The following NAV2 variants were observed in gnomAD, a reference collection of about 807,000 sequenced individuals.
NAV2 encodes the protein helicase, APC down-regulated 1.
In NAV2, 54 loss-of-function variants were observed where a neutral mutation model predicts 223.2. That is an observed-to-expected ratio of 0.24 (90% CI 0.19 to 0.30). The LOEUF is 0.30. Ranked by LOEUF, NAV2 falls within the 10% of genes least tolerant of loss-of-function variation. NAV2 has a pLI of 1.00. For synonymous variants in NAV2, 1,279 were observed against 1,239.3 expected (o/e 1.03, Z -0.67); for missense variants, 2,806 against 3,147.5 (o/e 0.89, Z 2.60).
intron 11 of NAV2, among the ~76,000 whole-genome samples, chr11:19,986,823 G>A (rs759120912): frequency 2.6e-5 from 4 of 152,184 alleles, no homozygotes; most frequent in African/African-American, 4.8e-5. Context: ...GTTATTATGA[G>A]CTGACCATAG....
At chr11:19,359,578 G>C (rs1590046955) in intron 1 of NAV2, among the ~76,000 whole-genome samples, 1 of 152,192 alleles carries the variant, frequency 6.6e-6, no homozygotes, top group South Asian at 2.1e-4. Flanking sequence ...CAATTTCTGA[G>C]GGCAGAGTCA....
At chr11:19,574,995 C>G (rs1403294979) in intron 1 of NAV2, among the ~76,000 whole-genome samples, 1 of 152,142 alleles carries the variant, frequency 6.6e-6, no homozygotes, top group Non-Finnish European at 1.5e-5. Flanking sequence ...TAGCTGGTGC[C>G]CCTATACTTC....
Position 19,913,591 on chromosome 11 carries a change from G to A in NAV2, c.932-19585G>A, listed in dbSNP as rs150533616. The stretch of plus-strand genomic sequence containing the variant: ...GAACTGTCTATGTGTGCCCCTGCCC[G>A]GTTATAAGCCAAATTCATGCCGTGC... On this transcript the variant is annotated intron_variant, in intron 6 of 37. Transcript: ENST00000349880. 2.7e-3 allele frequency among the ~76,000 whole-genome samples: 413 copies of A among 152,284 alleles called. 15 individuals are homozygous for A. The South Asian group carries it at 0.059, about 22-fold the overall frequency.
At chr11:19,912,998 G>T (rs541897032) in intron 6 of NAV2, among the ~76,000 whole-genome samples, 22 of 152,260 alleles carry the variant, frequency 1.4e-4, no homozygotes, top group African/African-American at 4.8e-4. Context: ...CTCCTGCTCT[G>T]GCAGTTTGGC....
chr11:19,578,048 C>A (rs558987828), intron 1 of NAV2, among the ~76,000 whole-genome samples: 5 of 152,304 alleles, frequency 3.3e-5, no homozygotes, highest in Non-Finnish European at 7.4e-5. Context: ...TACAATAAGA[C>A]AAATGACTCG....
intron 11 of NAV2, among the ~76,000 whole-genome samples, chr11:20,005,978 C>T (rs1447838718): frequency 6.6e-6 from 1 of 152,196 alleles, no homozygotes; most frequent in African/African-American, 2.4e-5. Flanking sequence ...CAGCTGACTG[C>T]AGTGGCTCAC....
At chr11:20,003,040 C>A (rs1216711199) in intron 11 of NAV2, among the ~76,000 whole-genome samples, 1 of 152,126 alleles carries the variant, frequency 6.6e-6, no homozygotes, top group Non-Finnish European at 1.5e-5. Context: ...TGGGAGGAAG[C>A]GAGGCTACAG....
At chr11:19,619,844 G>A (rs2046930055) in intron 1 of NAV2, among the ~76,000 whole-genome samples, 3 of 152,160 alleles carry the variant, frequency 2.0e-5, no homozygotes, top group Non-Finnish European at 4.4e-5. Flanking sequence ...CCACGCCTAT[G>A]TCCTGAATGG....
At chr11:20,094,390 C>T (rs1028639640) in intron 29 of NAV2, among the ~76,000 whole-genome samples, 4 of 151,756 alleles carry the variant, frequency 2.6e-5, no homozygotes, top group Non-Finnish European at 2.9e-5. Flanking sequence ...CCACCATGCC[C>T]GGCTAATTTT....
chr11:19,941,405 C>G (rs1318859343), intron 8 of NAV2, among the ~76,000 whole-genome samples: 1 of 128,388 alleles, frequency 7.8e-6, no homozygotes, highest in Admixed American at 7.4e-5. Context: ...GTAGAAGTCA[C>G]ACATGTGACT....
At chr11:19,654,387 A>G (rs961776437) in intron 1 of NAV2, among the ~76,000 whole-genome samples, 2 of 152,156 alleles carry the variant, frequency 1.3e-5, no homozygotes, top group African/African-American at 4.8e-5. Flanking sequence ...ATTGGAAAAA[A>G]CTACTTTAAA....
intron 1 of NAV2, among the ~76,000 whole-genome samples, chr11:19,628,018 G>A (rs925212661): frequency 6.6e-6 from 1 of 152,082 alleles, no homozygotes; most frequent in African/African-American, 2.4e-5. Flanking sequence ...GAAATGCTCT[G>A]TGTTGGGCTG....
chr11:19,767,640 C>T (rs764645909), intron 1 of NAV2, among the ~76,000 whole-genome samples: 6 of 152,194 alleles, frequency 3.9e-5, no homozygotes, highest in African/African-American at 9.7e-5. Flanking sequence ...GCCCAGTGTT[C>T]GCATGCATAT....
chr11:20,099,472 C>A (rs963766620), intron 31 of NAV2, among the ~76,000 whole-genome samples: 1 of 152,184 alleles, frequency 6.6e-6, no homozygotes, highest in African/African-American at 2.4e-5. Context: ...AGATTACCTG[C>A]CTCTAGTGGA....
At chr11:20,095,578 A>G in intron 29 of NAV2, 94 bp from the exon 30 acceptor site, 1 of 820,180 alleles carries the variant, frequency 1.2e-6, no homozygotes, top group Non-Finnish European at 2.1e-6. Flanking sequence ...CTCTCAAACC[A>G]TTGGCGGAGT....
chr11:19,678,594 C>T (rs1307275909), intron 1 of NAV2, among the ~76,000 whole-genome samples: 4 of 152,282 alleles, frequency 2.6e-5, no homozygotes, highest in East Asian at 3.9e-4. Context: ...ATATAGAACC[C>T]GCGTCTGAGG....
In NAV2 at chr11:20,101,159, A is replaced by G. The variant is rs2061609046; in HGVS notation, c.6404A>G (p.His2135Arg). Residue 2135 changes from histidine to arginine, a missense_variant, in exon 32 of 38, where the codon CAT becomes CGT. By Grantham distance (29) the His-to-Arg change is conservative. This residue lies in a region of NAV2 where 824 missense variants were observed against 1,069.4 expected (regional missense o/e 0.77). Transcript: ENST00000349880. The part of the protein sequence containing the change: ...DGVIATFNVD[H>R]KSSKELRQYL... ...GTTATCGCCACCTTTAACGTGGACCATAAGTCCAGCAAGGTGAGGAGGTCA... is the reference window on the plus strand; with the variant it reads ...GTTATCGCCACCTTTAACGTGGACCGTAAGTCCAGCAAGGTGAGGAGGTCA... 4.3e-6 allele frequency: 7 copies of G among 1,612,174 alleles called. No homozygotes were observed. The highest frequency in any genetic ancestry group is 1.1e-5 in the South Asian group (1 of 91,028).
At chr11:20,070,430 C>G (rs75013129) in intron 22 of NAV2, among the ~76,000 whole-genome samples, 1,873 of 152,290 alleles carry the variant, frequency 0.012, 17 homozygotes, top group South Asian at 0.033. Flanking sequence ...GTTCCAGTGA[C>G]CTCGTGCTGC....
chr11:19,978,105 G>C (rs7122847), intron 10 of NAV2, among the ~76,000 whole-genome samples: 1 of 151,788 alleles, frequency 6.6e-6, no homozygotes, highest in South Asian at 2.1e-4. Flanking sequence ...GACTACAGGC[G>C]TGAGCCACCA....
Sources: gnomAD v4.1 joint callset for allele counts (sites outside exome capture counted in the v4.1 genomes callset) on GRCh38, gnomAD v4.1.1 for gene constraint, gnomAD v4.1.1 regional missense constraint, MANE v1.5 for transcripts, NCBI Gene and HGNC (gene_info 2026-07-23, HGNC 2026-07-21) for gene names.